Variants in GCNT1 observed in about 807,000 individuals in gnomAD.
GCNT1 encodes beta-1,3-galactosyl-O-glycosyl-glycoprotein beta-1,6-N-acetylglucosaminyltransferase.
A neutral mutation model predicts 26.2 loss-of-function variants in GCNT1; 16 were observed. That is an observed-to-expected ratio of 0.61 (90% confidence interval 0.41 to 0.93). The LOEUF (loss-of-function observed/expected upper bound fraction) is 0.93, where lower values mean the gene tolerates loss of function less well. Ranked by LOEUF, GCNT1 falls within the 40% of genes least tolerant of loss-of-function variation. The probability of loss-of-function intolerance (pLI) is 0.00; values close to 1 mark genes in which losing one functional copy is unlikely to be tolerated. For missense variants in GCNT1, 477 were observed against 526.7 expected, an observed-to-expected ratio of 0.91 and a Z score of 0.92; for synonymous variants, 183 against 190.8, an observed-to-expected ratio of 0.96 and a Z score of 0.34.
intron 1 of GCNT1, among the ~76,000 whole-genome samples, chr9:76,448,383 CTG>C (rs1460527563): frequency 2.6e-5 from 4 of 152,140 alleles, no homozygotes; most frequent in African/African-American, 9.7e-5. Flanking sequence ...GCCCAGAAGA[CTG>C]AGGCTACAGT....
At chr9:76,454,712 C>T (rs533247530), upstream of GCNT1, among the ~76,000 whole-genome samples, 8 of 152,148 alleles carry the variant, frequency 5.3e-5, no homozygotes, top group South Asian at 1.7e-3. Flanking sequence ...GCTGTTTTCC[C>T]TGCTCTTGCT....
In GCNT1 at chr9:76,504,293, A is replaced by C. The variant is rs1045190532; in HGVS notation, c.*625A>C. On this transcript the variant is annotated 3_prime_UTR_variant, in exon 4 of 4. Transcript: ENST00000376730. The stretch of plus-strand genomic sequence containing the variant: ...GTTATTTTTGCTTGAAACAACGCAC[A>C]CATTTTCAACAACCAAAAAATGACA... 14 of 168,922 alleles carry C rather than the reference A, an allele frequency of 8.3e-5. No homozygotes were observed. Among genetic ancestry groups the C allele is most frequent in the African/African-American group, 3.4e-4 (14 of 41,532 alleles). 10.5% of individuals were successfully genotyped at this position (168,922 alleles called of 1,614,324 possible).
chr9:76,470,287 A>G (rs2131603735), intron 2 of GCNT1, among the ~76,000 whole-genome samples: 1 of 152,256 alleles, frequency 6.6e-6, no homozygotes, highest in East Asian at 1.9e-4. Flanking sequence ...TCCAGTGGAA[A>G]AGAAAATTAC....
chr9:76,485,411 T>C (rs1329944834), intron 2 of GCNT1, among the ~76,000 whole-genome samples: 1 of 152,138 alleles, frequency 6.6e-6, no homozygotes, highest in Admixed American at 6.5e-5. Context: ...TGACCTCAAG[T>C]GATCAGCTTG....
In GCNT1 at chr9:76,480,336, G is replaced by A. The variant is rs370276800; in HGVS notation, c.-290+20159G>A. Among the ~76,000 whole-genome samples the A allele has an allele frequency of 5.9e-5, 9 of 151,960 alleles. No individual in the cohort carries two copies. The East Asian group carries it at 7.7e-4, about 13-fold the overall frequency. On this transcript the variant is annotated intron_variant, in intron 2 of 3. Transcript: ENST00000376730. ...TGGCTTAGGATTGACTTGGCAATGC[G>A]GGCTCTTTTTTGGTTCCATATGAAC...
intron 1 of GCNT1, among the ~76,000 whole-genome samples, chr9:76,443,683 AT>A (rs1192693456): frequency 1.3e-5 from 2 of 152,050 alleles, no homozygotes; most frequent in Non-Finnish European, 2.9e-5. Flanking sequence ...TTATGGCCAG[AT>A]TTTGGGGGAT....
rs375605387 is a variant in GCNT1 at position 76,421,686 on chromosome 9, G to GTTTTTT, written n.38+1801_38+1802insTTTTTT. ...TGATGGCAACTCAATTTGTTTGTAG[G>GTTTTTT]TTGTTTTTTTTTTTTTTTTTTTTTT... On this transcript the variant is annotated intron_variant and non_coding_transcript_variant, in intron 1 of 3. Coordinates refer to the GCNT1 transcript ENST00000488136. Among the ~76,000 whole-genome samples, 25 of 84,374 alleles carry GTTTTTT rather than the reference G, an allele frequency of 3.0e-4. 1 individual carries two copies. Among genetic ancestry groups the GTTTTTT allele is most frequent in the South Asian group, 8.2e-4 (2 of 2,428 alleles). 55.4% of individuals were successfully genotyped at this position (84,374 alleles called of 152,430 possible). A position where few individuals can be genotyped will look rare whatever the true frequency, so the allele number is the denominator to read the frequency against.
the GCNT1 span, among the ~76,000 whole-genome samples, chr9:76,409,146 G>A: frequency 6.6e-6 from 1 of 152,074 alleles, no homozygotes; most frequent in Non-Finnish European, 1.5e-5. Context: ...GACTTATTCA[G>A]AATGTATATT....
intron 2 of GCNT1, among the ~76,000 whole-genome samples, chr9:76,494,994 TCC>T (rs1824864366): frequency 6.6e-6 from 1 of 152,154 alleles, no homozygotes; most frequent in Non-Finnish European, 1.5e-5. Flanking sequence ...GGTAGCCATT[TCC>T]CAGAAAACCT....
chr9:76,457,330 C>A (rs893594073), upstream of GCNT1, among the ~76,000 whole-genome samples: 1 of 152,214 alleles, frequency 6.6e-6, no homozygotes, highest in Non-Finnish European at 1.5e-5. Flanking sequence ...CTCACTGCAA[C>A]CTCCACCTCC....
intron 2 of GCNT1, among the ~76,000 whole-genome samples, chr9:76,467,983 T>C (rs1418691035): frequency 1.5e-5 from 2 of 134,942 alleles, no homozygotes; most frequent in Admixed American, 8.3e-5. Flanking sequence ...CTCAGGTCAC[T>C]GTAACCTCCA....
the GCNT1 span, among the ~76,000 whole-genome samples, chr9:76,413,668 G>GTTTTTTTTTTTTTTTTTTTT: frequency 5.6e-4 from 47 of 84,196 alleles, 1 homozygote; most frequent in East Asian, 1.1e-3. Context: ...TTTTTTTTTT[G>GTTTTTTTTTTTTTTTTTTTT]TTTTTTTTTT....
upstream of GCNT1, among the ~76,000 whole-genome samples, chr9:76,455,405 C>T (rs145019309): frequency 3.9e-3 from 587 of 152,136 alleles, 4 homozygotes; most frequent in Middle Eastern, 0.02. Flanking sequence ...AAATTTGGAG[C>T]GCATGTCTAT....
intron 1 of GCNT1, among the ~76,000 whole-genome samples, chr9:76,444,342 C>T (rs746977645): frequency 6.6e-6 from 1 of 151,998 alleles, no homozygotes; most frequent in Non-Finnish European, 1.5e-5. Flanking sequence ...TGAGGCCATA[C>T]AGAAGGGCTG....
intron 1 of GCNT1, among the ~76,000 whole-genome samples, chr9:76,426,303 G>A (rs1823256729): frequency 1.3e-5 from 2 of 152,142 alleles, no homozygotes; most frequent in South Asian, 2.1e-4. Context: ...ATTTTGCAAT[G>A]GTGCTTTCCA....
the GCNT1 span, among the ~76,000 whole-genome samples, chr9:76,396,749 C>T: frequency 6.6e-6 from 1 of 152,070 alleles, no homozygotes. Flanking sequence ...GGCCGAGGCA[C>T]AAGAGTCGCT....
At chr9:76,470,900 A>G (rs1203380909) in intron 2 of GCNT1, among the ~76,000 whole-genome samples, 1 of 152,146 alleles carries the variant, frequency 6.6e-6, no homozygotes, top group Non-Finnish European at 1.5e-5. Context: ...TGGGCTTAGG[A>G]CACCATCCCA....
intron 2 of GCNT1, among the ~76,000 whole-genome samples, chr9:76,494,442 G>A (rs1824846957): frequency 6.6e-6 from 1 of 152,194 alleles, no homozygotes; most frequent in Admixed American, 6.5e-5. Context: ...AGGGTTGGAA[G>A]AGTGACACAT....
At chr9:76,426,742 G>A (rs1018927549) in intron 1 of GCNT1, among the ~76,000 whole-genome samples, 1 of 151,536 alleles carries the variant, frequency 6.6e-6, no homozygotes, top group African/African-American at 2.4e-5. Flanking sequence ...TTAAAAATAC[G>A]AAAAATCAGC....
Sources: allele counts gnomAD v4.1 joint callset (sites outside exome capture counted in the v4.1 genomes callset), GRCh38; gene constraint gnomAD v4.1.1; transcripts MANE v1.5; gene names NCBI Gene and HGNC (gene_info 2026-07-23, HGNC 2026-07-21).